CALN1: variants seen among roughly 807,000 people sequenced by gnomAD.
The protein encoded by CALN1 is calcium-binding protein 8.
Under a neutral mutation model 30.6 loss-of-function variants are expected in CALN1, and 17 were observed. The ratio of observed to expected loss-of-function variants is 0.56; its 90% confidence interval spans 0.38 to 0.83. CALN1 has a LOEUF of 0.83. CALN1 is among the 40% of genes least tolerant of loss of function. The pLI is 0.00. For missense variants in CALN1, 291 were observed against 354.9 expected (o/e 0.82, Z 1.45); for synonymous variants, 156 against 131.4 (o/e 1.19, Z -1.28).
intron 2 of CALN1, among the ~76,000 whole-genome samples, chr7:72,328,632 A>C (rs900427775): frequency 2.0e-5 from 3 of 152,210 alleles, no homozygotes; most frequent in African/African-American, 7.2e-5. Flanking sequence ...ATGGTAGGGG[A>C]AAGTGTTTTG....
chr7:71,877,132 T>C (rs1247881046), intron 5 of CALN1, among the ~76,000 whole-genome samples: 1 of 152,126 alleles, frequency 6.6e-6, no homozygotes, highest in Non-Finnish European at 1.5e-5. Context: ...TAAATATCAA[T>C]AGACGCTGGA....
chr7:71,993,032 T>C (rs930483145), intron 5 of CALN1, among the ~76,000 whole-genome samples: 2 of 151,796 alleles, frequency 1.3e-5, no homozygotes, highest in African/African-American at 2.4e-5. Context: ...AAGAGAACCA[T>C]TGGAGAAGAA....
intron 4 of CALN1, among the ~76,000 whole-genome samples, chr7:72,061,843 GC>G (rs1474094307): frequency 7.5e-6 from 1 of 133,256 alleles, no homozygotes; most frequent in African/African-American, 2.8e-5. Flanking sequence ...GATTCACCAA[GC>G]CCCTAAAGCC....
intron 5 of CALN1, among the ~76,000 whole-genome samples, chr7:71,949,677 G>A (rs537059975): frequency 1.3e-5 from 2 of 152,032 alleles, no homozygotes; most frequent in Non-Finnish European, 2.9e-5. Context: ...ACCAAACCCA[G>A]CCTTAGAGGG....
At chr7:71,922,622 TATATATAAATATATAACAGAATATA>T (rs1795013688) in intron 5 of CALN1, among the ~76,000 whole-genome samples, 1 of 137,810 alleles carries the variant, frequency 7.3e-6, no homozygotes, top group Non-Finnish European at 1.5e-5. Context: ...CAGAATATAT[TATATATAAATATATAACAGAATATA>T]TTATATATAA....
At chr7:72,397,999 C>T (rs930066473) in intron 2 of CALN1, among the ~76,000 whole-genome samples, 2 of 152,050 alleles carry the variant, frequency 1.3e-5, no homozygotes, top group Admixed American at 6.5e-5. Context: ...ATGAGTTCGG[C>T]ACCACTGAAG....
chr7:72,022,241 AGTT>A (rs1800746667), intron 5 of CALN1, among the ~76,000 whole-genome samples: 3 of 152,166 alleles, frequency 2.0e-5, no homozygotes, highest in Non-Finnish European at 4.4e-5. Context: ...TGAAACAAAT[AGTT>A]ATTGAGGGCT....
intron 5 of CALN1, among the ~76,000 whole-genome samples, chr7:71,898,077 C>T (rs1030223629): frequency 6.9e-6 from 1 of 144,748 alleles, no homozygotes; most frequent in African/African-American, 2.6e-5. Context: ...AGAAAGAACA[C>T]AGACATTGCA....
chr7:72,104,855 G>A (rs1174557630), intron 4 of CALN1, among the ~76,000 whole-genome samples: 1 of 152,106 alleles, frequency 6.6e-6, no homozygotes, highest in Non-Finnish European at 1.5e-5. Context: ...TACTCTGAAA[G>A]GCTAAGGCAA....
chr7:72,479,361 A>C, the CALN1 span, among the ~76,000 whole-genome samples: 1 of 152,138 alleles, frequency 6.6e-6, no homozygotes, highest in African/African-American at 2.4e-5. Flanking sequence ...TCATTCCTTT[A>C]ACAGTATCCT....
intron 2 of CALN1, among the ~76,000 whole-genome samples, chr7:72,357,740 G>A (rs1803317745): frequency 6.6e-6 from 1 of 151,244 alleles, no homozygotes; most frequent in Non-Finnish European, 1.5e-5. Context: ...AATGTTGGCA[G>A]AGGTAAAAAG....
At chr7:72,074,908 T>G (rs922395118) in intron 4 of CALN1, among the ~76,000 whole-genome samples, 7 of 152,338 alleles carry the variant, frequency 4.6e-5, no homozygotes, top group Non-Finnish European at 1.0e-4. Flanking sequence ...GTTAATAGTC[T>G]CATGAGATAA....
chr7:71,812,917 T>TATC (rs374067128), intron 5 of CALN1, among the ~76,000 whole-genome samples: 58 of 138,120 alleles, frequency 4.2e-4, no homozygotes, highest in Admixed American at 7.6e-4. Flanking sequence ...CTATTTTATT[T>TATC]ATCATCATCA....
At chr7:72,443,412 G>T (rs931613896) in intron 1 of CALN1, among the ~76,000 whole-genome samples, 2 of 152,110 alleles carry the variant, frequency 1.3e-5, no homozygotes, top group Non-Finnish European at 2.9e-5. Flanking sequence ...TGAAGTGCCC[G>T]CCTTTCACGC....
At chr7:72,403,201 G>C in intron 2 of CALN1, 50 bp downstream of exon 2, 1 of 1,460,214 alleles carries the variant, frequency 6.8e-7, no homozygotes, top group Non-Finnish European at 9.3e-7. Flanking sequence ...CCCCCTACCT[G>C]AGGGCTGCCA....
intron 2 of CALN1, among the ~76,000 whole-genome samples, chr7:72,301,303 A>G (rs1300023471): frequency 6.6e-6 from 1 of 151,888 alleles, no homozygotes; most frequent in East Asian, 1.9e-4. Context: ...ACCCCTAGAA[A>G]AAGATCCTCT....
the CALN1 span, among the ~76,000 whole-genome samples, chr7:72,501,928 A>AAAAAAAAAAAATATAT: frequency 1.7e-5 from 1 of 57,968 alleles, no homozygotes; most frequent in African/African-American, 9.9e-5. Flanking sequence ...AAAAAAAAAA[A>AAAAAAAAAAAATATAT]ATATATATAT....
At chr7:72,477,890 A>T in the CALN1 span, among the ~76,000 whole-genome samples, 1 of 151,992 alleles carries the variant, frequency 6.6e-6, no homozygotes, top group Non-Finnish European at 1.5e-5. Context: ...ACTCGCCTTT[A>T]TTCTCCAAAA....
chr7:72,080,388 T>C (rs1029355204), intron 4 of CALN1, among the ~76,000 whole-genome samples: 1 of 152,190 alleles, frequency 6.6e-6, no homozygotes, highest in Admixed American at 6.5e-5. Context: ...TCACAGGGAT[T>C]GATTTACTGC....
Sources: gnomAD v4.1 joint callset for allele counts (sites outside exome capture counted in the v4.1 genomes callset) on GRCh38, gnomAD v4.1.1 for gene constraint, MANE v1.5 for transcripts, NCBI Gene and HGNC (gene_info 2026-07-23, HGNC 2026-07-21) for gene names.